CNNM2: variants seen among roughly 807,000 people sequenced by gnomAD.
CNNM2 encodes cyclin and CBS domain divalent metal cation transport mediator 2, also known as metal transporter CNNM2.
In CNNM2, 12 loss-of-function variants were observed where a neutral mutation model predicts 66.9. That is an observed-to-expected ratio of 0.18 (90% CI 0.11 to 0.29). CNNM2 has a LOEUF of 0.29. CNNM2 is among the 10% of genes least tolerant of loss of function. CNNM2 has a pLI of 1.00. For missense variants in CNNM2, 705 were observed against 1,167.7 expected, an observed-to-expected ratio of 0.60 and a Z score of 5.77; for synonymous variants, 557 against 501.8, an observed-to-expected ratio of 1.11 and a Z score of -1.47.
intron 1 of CNNM2, among the ~76,000 whole-genome samples, chr10:103,010,838 C>T (rs1406142394): frequency 6.6e-6 from 1 of 152,136 alleles, no homozygotes; most frequent in Non-Finnish European, 1.5e-5. Context: ...GTCTTGAAAT[C>T]CTGACCACAG....
intron 1 of CNNM2, among the ~76,000 whole-genome samples, chr10:103,009,974 C>T (rs759716978): frequency 9.3e-5 from 14 of 149,982 alleles, no homozygotes; most frequent in Middle Eastern, 3.4e-3. Flanking sequence ...ACAAAAATTG[C>T]GAAGAACGTA....
chr10:102,972,675 T>TA (rs1310403565), intron 1 of CNNM2, among the ~76,000 whole-genome samples: 2 of 152,112 alleles, frequency 1.3e-5, no homozygotes, highest in Non-Finnish European at 2.9e-5. Flanking sequence ...AAACCCTAGT[T>TA]AAAAAATCAC....
intron 1 of CNNM2, among the ~76,000 whole-genome samples, chr10:102,967,424 G>T (rs758507985): frequency 6.6e-6 from 1 of 152,036 alleles, no homozygotes; most frequent in African/African-American, 2.4e-5. Flanking sequence ...CTTTCTTCTG[G>T]GTCAATCCCT....
rs541583438 is a variant in CNNM2 at position 102,966,484 on chromosome 10, G to A, written c.1621+46383G>A. 7.4e-4 allele frequency among the ~76,000 whole-genome samples: 112 copies of A among 152,196 alleles called. 1 individual carries two copies. Among genetic ancestry groups the A allele is most frequent in the African/African-American group, 2.6e-3 (108 of 41,522 alleles). On this transcript the variant is annotated intron_variant, in intron 1 of 7. Coordinates refer to ENST00000369878, the MANE Select transcript of CNNM2 (RefSeq NM_017649.5). ...TCTCTACTAAATATACAAAACAGCC[G>A]GGCTGGGTGGCAGGCACCTGTAATC... is the stretch of plus-strand genomic sequence containing the variant.
chr10:103,003,348 A>C (rs545503350), intron 1 of CNNM2, among the ~76,000 whole-genome samples: 48 of 152,214 alleles, frequency 3.2e-4, no homozygotes, highest in African/African-American at 1.1e-3. Flanking sequence ...CTCTGACCTC[A>C]GGTAATCCGC....
At chr10:102,969,245 G>A (rs920439857) in intron 1 of CNNM2, among the ~76,000 whole-genome samples, 1 of 150,072 alleles carries the variant, frequency 6.7e-6, no homozygotes, top group Non-Finnish European at 1.5e-5. Flanking sequence ...GCGGAGTCTC[G>A]CCCTGTCGCC....
chr10:103,026,227 G>A (rs935763715), intron 1 of CNNM2, among the ~76,000 whole-genome samples: 1 of 152,194 alleles, frequency 6.6e-6, no homozygotes, highest in Non-Finnish European at 1.5e-5. Context: ...GACAGTGTCC[G>A]TAGAAACAAC....
intron 1 of CNNM2, among the ~76,000 whole-genome samples, chr10:103,049,303 A>G (rs755551076): frequency 9.2e-5 from 14 of 152,210 alleles, no homozygotes; most frequent in Non-Finnish European, 1.3e-4. Flanking sequence ...AAAACAGCCA[A>G]TAGCATCTTA....
intron 1 of CNNM2, among the ~76,000 whole-genome samples, chr10:102,932,338 C>T (rs1342873990): frequency 6.6e-6 from 1 of 152,140 alleles, no homozygotes; most frequent in Non-Finnish European, 1.5e-5. Flanking sequence ...GTGTGAGCCA[C>T]TGCAACCAGC....
rs2065797658 is a variant in CNNM2 at position 103,085,568 on chromosome 10, A to C, written c.*8388A>C. 1 of 152,208 alleles carries C rather than the reference A, an allele frequency of 6.6e-6. No homozygotes were observed. Among genetic ancestry groups the C allele is most frequent in the Admixed American group, 6.5e-5 (1 of 15,272 alleles). The allele number at this position is 152,208 out of a possible 1,614,324, so 9.4% of individuals were successfully genotyped here. A position where few individuals can be genotyped will look rare whatever the true frequency, so the allele number is the denominator to read the frequency against. ...CCTCGCCAGACATGGCTTTGGGAAG[A>C]GCTCCATGGGAGACCAGAACATCTG... On this transcript the variant is annotated 3_prime_UTR_variant, in exon 8 of 8. Coordinates refer to ENST00000369878, the MANE Select transcript of CNNM2 (RefSeq NM_017649.5).
At chr10:103,013,495 T>C (rs1312402967) in intron 1 of CNNM2, among the ~76,000 whole-genome samples, 1 of 152,136 alleles carries the variant, frequency 6.6e-6, no homozygotes, top group Non-Finnish European at 1.5e-5. Flanking sequence ...GCATTTTGCT[T>C]TAAAAGGTCG....
intron 1 of CNNM2, among the ~76,000 whole-genome samples, chr10:102,984,317 T>C (rs867821462): frequency 1.3e-4 from 20 of 152,178 alleles, no homozygotes; most frequent in African/African-American, 4.8e-4. Context: ...TAAACAATTA[T>C]AGGGTTTTTA....
chr10:102,992,134 C>T (rs2063909629), intron 1 of CNNM2, among the ~76,000 whole-genome samples: 1 of 152,096 alleles, frequency 6.6e-6, no homozygotes, highest in Non-Finnish European at 1.5e-5. Flanking sequence ...TAAACTTAGA[C>T]TAAGCTTTCT....
chr10:103,010,949 C>T (rs569240719), intron 1 of CNNM2, among the ~76,000 whole-genome samples: 3 of 152,178 alleles, frequency 2.0e-5, no homozygotes, highest in African/African-American at 4.8e-5. Flanking sequence ...ATTACTTTTT[C>T]GTTTTTTCAG....
intron 1 of CNNM2, among the ~76,000 whole-genome samples, chr10:102,994,965 A>G (rs2063963059): frequency 6.6e-6 from 1 of 152,120 alleles, no homozygotes; most frequent in South Asian, 2.1e-4. Flanking sequence ...GAGAATATTC[A>G]ATGCCAATCG....
In CNNM2 at chr10:103,083,286, TCTC is replaced by T. The variant is rs1374682746; in HGVS notation, c.*6109_*6111del. ...ATTCAAATGATGTAGATGTACAGTC[TCTC>T]CTATTTATTTTGTACCAATTTATTT... On this transcript the variant is annotated 3_prime_UTR_variant, in exon 8 of 8. Transcript: ENST00000369878. 3 of 152,256 alleles carry T rather than the reference TCTC, an allele frequency of 2.0e-5. No homozygotes were observed. Among genetic ancestry groups the T allele is most frequent in the South Asian group, 2.1e-4 (1 of 4,838 alleles). 9.4% of individuals were successfully genotyped at this position (152,256 alleles called of 1,614,324 possible). A position where few individuals can be genotyped will look rare whatever the true frequency, so the allele number is the denominator to read the frequency against.
chr10:103,057,967 G>T (rs796919337), intron 4 of CNNM2, among the ~76,000 whole-genome samples: 1 of 152,204 alleles, frequency 6.6e-6, no homozygotes, highest in African/African-American at 2.4e-5. Context: ...TGGCATGGAG[G>T]CCAAGGTGGA....
chr10:103,048,511 C>G (rs1197169099), intron 1 of CNNM2, among the ~76,000 whole-genome samples: 1 of 152,152 alleles, frequency 6.6e-6, no homozygotes, highest in Non-Finnish European at 1.5e-5. Context: ...CCACCGCACC[C>G]AGCTAAAATT....
intron 6 of CNNM2, among the ~76,000 whole-genome samples, chr10:103,075,607 G>A (rs992243809): frequency 3.3e-5 from 5 of 152,218 alleles, no homozygotes; most frequent in African/African-American, 9.6e-5. Context: ...GGTATGGTAT[G>A]AGCAGATGAG....
Sources: allele counts gnomAD v4.1 joint callset (sites outside exome capture counted in the v4.1 genomes callset), GRCh38; gene constraint gnomAD v4.1.1; transcripts MANE v1.5; gene names NCBI Gene and HGNC (gene_info 2026-07-23, HGNC 2026-07-21).